SIPA1L1: variants seen among roughly 807,000 people sequenced by gnomAD.
SIPA1L1 encodes the protein signal induced proliferation associated 1 like 1.
Under a neutral mutation model 162.7 loss-of-function variants are expected in SIPA1L1, and 26 were observed. The observed-to-expected ratio is 0.16, with a 90% CI of 0.12 to 0.22. The LOEUF is 0.22. Ranked by LOEUF, SIPA1L1 falls within the 10% of genes least tolerant of loss-of-function variation. SIPA1L1 has a pLI of 1.00. For missense variants in SIPA1L1, 1,874 were observed against 2,241.0 expected, an observed-to-expected ratio of 0.84 and a Z score of 3.31; for synonymous variants, 829 against 837.4, an observed-to-expected ratio of 0.99 and a Z score of 0.17.
intron 2 of SIPA1L1, among the ~76,000 whole-genome samples, chr14:71,446,906 G>GTTTTTTTTTTT (rs1189940440): frequency 2.4e-3 from 129 of 53,194 alleles, no homozygotes; most frequent in East Asian, 4.6e-3. Flanking sequence ...TTTTTTTTTT[G>GTTTTTTTTTTT]TTTTTTTTTT....
intron 13 of SIPA1L1, among the ~76,000 whole-genome samples, chr14:71,687,011 G>A (rs1194756359): frequency 6.6e-6 from 1 of 152,210 alleles, no homozygotes; most frequent in East Asian, 1.9e-4. Flanking sequence ...ACCACACTAT[G>A]AAGTCTTTAT....
chr14:71,479,174 C>T (rs2048121188), intron 2 of SIPA1L1, among the ~76,000 whole-genome samples: 1 of 152,088 alleles, frequency 6.6e-6, no homozygotes, highest in South Asian at 2.1e-4. Flanking sequence ...CATTCTTCTT[C>T]CCTAATCAGC....
intron 14 of SIPA1L1, among the ~76,000 whole-genome samples, chr14:71,699,939 A>G (rs1479245592): frequency 6.6e-6 from 1 of 152,238 alleles, no homozygotes; most frequent in Non-Finnish European, 1.5e-5. Context: ...TGACTCTTAA[A>G]CTACTAAATG....
At chr14:71,419,759 A>C (rs1157233049) in intron 2 of SIPA1L1, among the ~76,000 whole-genome samples, 6 of 151,690 alleles carry the variant, frequency 4.0e-5, no homozygotes. Context: ...GGCCTCCCAA[A>C]GTGCTGGGAT....
chr14:71,492,677 G>A (rs1179420244), intron 2 of SIPA1L1, among the ~76,000 whole-genome samples: 2 of 152,026 alleles, frequency 1.3e-5, no homozygotes, highest in African/African-American at 2.4e-5. Flanking sequence ...TCACTCTCTC[G>A]CCCAGGGCAC....
intron 12 of SIPA1L1, among the ~76,000 whole-genome samples, chr14:71,680,504 C>T (rs1015551859): frequency 6.6e-6 from 1 of 152,138 alleles, no homozygotes; most frequent in Non-Finnish European, 1.5e-5. Context: ...GACACCCTAA[C>T]ATCACAATCA....
intron 2 of SIPA1L1, among the ~76,000 whole-genome samples, chr14:71,427,730 G>A (rs890287902): frequency 1.3e-5 from 2 of 151,710 alleles, no homozygotes; most frequent in Non-Finnish European, 2.9e-5. Context: ...TTTCTATTGT[G>A]CATTTCAACT....
chr14:71,506,109 C>T (rs138461731), intron 2 of SIPA1L1, among the ~76,000 whole-genome samples: 3 of 152,098 alleles, frequency 2.0e-5, no homozygotes, highest in South Asian at 2.1e-4. Context: ...ACACGTTGTC[C>T]CATTATTGTC....
At position 71,709,211 on chromosome 14, in the gene SIPA1L1, T is replaced by G. The variant is rs1228000803; in HGVS notation, c.3766-11T>G. ...AACTTTGCACTCAAATAAATTCTGC[T>G]TCTCTTGCAGTCTGATAGCCACTAC... On this transcript the variant is annotated splice_polypyrimidine_tract_variant and intron_variant, in intron 16 of 23. Coordinates refer to ENST00000381232, the MANE Select transcript of SIPA1L1 (RefSeq NM_001386936.1). 2 of 1,595,498 alleles carry G rather than the reference T, an allele frequency of 1.3e-6. No homozygotes were observed. The highest frequency in any genetic ancestry group is 4.5e-5 in the East Asian group (2 of 44,612).
intron 2 of SIPA1L1, among the ~76,000 whole-genome samples, chr14:71,460,454 T>G (rs912311048): frequency 1.3e-4 from 20 of 152,194 alleles, no homozygotes; most frequent in African/African-American, 4.6e-4. Context: ...CTTCTTTACC[T>G]TTGTTGTGGA....
At chr14:71,403,275 A>G (rs927633429) in intron 2 of SIPA1L1, among the ~76,000 whole-genome samples, 7 of 152,144 alleles carry the variant, frequency 4.6e-5, no homozygotes, top group Non-Finnish European at 7.4e-5. Flanking sequence ...TTATTTACAT[A>G]TATGTATAAT....
intron 2 of SIPA1L1, among the ~76,000 whole-genome samples, chr14:71,482,881 G>A (rs2048457566): frequency 6.6e-6 from 1 of 152,166 alleles, no homozygotes; most frequent in South Asian, 2.1e-4. Flanking sequence ...TGTCCAGATG[G>A]ATATTTGTGC....
intron 4 of SIPA1L1, among the ~76,000 whole-genome samples, chr14:71,542,749 CTTT>C (rs59235396): frequency 3.2e-5 from 4 of 124,040 alleles, no homozygotes; most frequent in East Asian, 2.4e-4. Flanking sequence ...CTCTCTCTCT[CTTT>C]TTTTTTTTTT....
intron 5 of SIPA1L1, among the ~76,000 whole-genome samples, chr14:71,601,485 C>T (rs1364137790): frequency 6.6e-5 from 10 of 152,076 alleles, no homozygotes; most frequent in African/African-American, 2.2e-4. Flanking sequence ...TTGTTGGATT[C>T]AGTTTGTTCA....
intron 4 of SIPA1L1, among the ~76,000 whole-genome samples, chr14:71,531,020 A>C (rs1019398232): frequency 2.6e-5 from 4 of 152,250 alleles, no homozygotes; most frequent in African/African-American, 9.6e-5. Context: ...AGTTTGAACC[A>C]ACATGCTGAT....
Position 71,663,628 on chromosome 14 carries a change from C to A in SIPA1L1, c.2255+2161C>A, listed in dbSNP as rs539091877. Reference sequence around the variant, plus strand: ...AGACTGCTCAGGGAGGTATGTTCTCCTTCTTCAGTGCTTTGTTTTTTTATT... The same window carrying A: ...AGACTGCTCAGGGAGGTATGTTCTCATTCTTCAGTGCTTTGTTTTTTTATT... On this transcript the variant is annotated intron_variant, in intron 10 of 23. Transcript: ENST00000381232. 2.0e-5 allele frequency among the ~76,000 whole-genome samples: 3 copies of A among 152,282 alleles called. No individual in the cohort carries two copies. The Middle Eastern group carries it at 0.01, about 518-fold the overall frequency.
At chr14:71,502,357 G>C (rs1318787440) in intron 2 of SIPA1L1, among the ~76,000 whole-genome samples, 2 of 150,176 alleles carry the variant, frequency 1.3e-5, no homozygotes, top group Admixed American at 1.3e-4. Context: ...TCATGCCTCA[G>C]CCTCCCGAGT....
At position 71,491,761 on chromosome 14, in the gene SIPA1L1, A is replaced by ACACAC. The variant is rs2049277691; in HGVS notation, c.-464-20982_-464-20981insCACAC. 7.1e-5 allele frequency among the ~76,000 whole-genome samples: 7 copies of ACACAC among 97,956 alleles called. No individual in the cohort carries two copies. In the South Asian group the frequency reaches 1.9e-3, roughly 27 times the overall value. 64.3% of individuals were successfully genotyped at this position (97,956 alleles called of 152,430 possible). On this transcript the variant is annotated intron_variant, in intron 2 of 23. Transcript: ENST00000381232. The stretch of plus-strand genomic sequence containing the variant: ...GTTTCAGGCTTAATGTTTTATTTCA[A>ACACAC]ACACACACACACACACACACACACA...
chr14:71,367,870 G>A (rs1392406144), intron 2 of SIPA1L1, among the ~76,000 whole-genome samples: 1 of 148,890 alleles, frequency 6.7e-6, no homozygotes, highest in East Asian at 2.0e-4. Flanking sequence ...GCCTCCCAAA[G>A]TGCTGGGACT....
Sources: allele counts gnomAD v4.1 joint callset (sites outside exome capture counted in the v4.1 genomes callset), GRCh38; gene constraint gnomAD v4.1.1; transcripts MANE v1.5; gene names NCBI Gene and HGNC (gene_info 2026-07-23, HGNC 2026-07-21).